Variants in CDH13 observed in about 807,000 individuals in gnomAD.
CDH13 encodes the protein cadherin-13.
A neutral mutation model predicts 63.8 loss-of-function variants in CDH13; 24 were observed. The ratio of observed to expected loss-of-function variants is 0.38; its 90% confidence interval spans 0.27 to 0.53. CDH13 has a LOEUF of 0.53. Among genes scored for constraint, CDH13 ranks in the 20% least tolerant of loss-of-function variants. The probability of loss-of-function intolerance (pLI) is 0.85; values close to 1 mark genes in which losing one functional copy is unlikely to be tolerated. For missense variants in CDH13, 1,049 were observed against 903.1 expected (o/e 1.16, Z -2.07); for synonymous variants, 503 against 355.3 (o/e 1.42, Z -4.67).
At chr16:82,807,097 T>G (rs1410881223) in intron 1 of CDH13, among the ~76,000 whole-genome samples, 2 of 151,984 alleles carry the variant, frequency 1.3e-5, no homozygotes, top group Non-Finnish European at 2.9e-5. Context: ...CCTTTTTTTT[T>G]TTTTTTCTTA....
chr16:83,691,966 T>A lies in CDH13; in HGVS notation c.1538+13505T>A, dbSNP rs1188639369. Among the ~76,000 whole-genome samples, 3 of 152,244 alleles carry A rather than the reference T, an allele frequency of 2.0e-5. No individual in the cohort carries two copies. The East Asian group carries it at 5.8e-4, about 29-fold the overall frequency. ...CCCTGTGGGTCTCTGATTACCCCTT[T>A]TATACAGGGGAAGACAATAAGGATT... On this transcript the variant is annotated intron_variant, in intron 10 of 13. Coordinates refer to ENST00000567109, the MANE Select transcript of CDH13 (RefSeq NM_001257.5).
At chr16:82,744,779 A>G (rs138931521) in intron 1 of CDH13, among the ~76,000 whole-genome samples, 1 of 152,150 alleles carries the variant, frequency 6.6e-6, no homozygotes. Context: ...GGATGAATTT[A>G]TGTTTCTTGT....
intron 2 of CDH13, among the ~76,000 whole-genome samples, chr16:83,009,249 A>G (rs957855038): frequency 1.3e-5 from 2 of 152,206 alleles, no homozygotes; most frequent in Non-Finnish European, 2.9e-5. Context: ...TCATCTTCTG[A>G]GAGGGGCTAC....
chr16:83,776,653 C>T (rs1279205333), intron 11 of CDH13, among the ~76,000 whole-genome samples: 2 of 152,210 alleles, frequency 1.3e-5, no homozygotes, highest in Non-Finnish European at 2.9e-5. Context: ...TCCCCGTTAA[C>T]AGAAACCTCT....
At chr16:83,031,507 T>C (rs141945645) in intron 2 of CDH13, among the ~76,000 whole-genome samples, 1 of 151,486 alleles carries the variant, frequency 6.6e-6, no homozygotes, top group African/African-American at 2.4e-5. Flanking sequence ...TCTCATTCCC[T>C]GAATCTGTTT....
At chr16:83,267,001 A>T (rs1381449145) in intron 5 of CDH13, among the ~76,000 whole-genome samples, 2 of 152,184 alleles carry the variant, frequency 1.3e-5, no homozygotes, top group Non-Finnish European at 2.9e-5. Context: ...GTTGCCCCAG[A>T]TCTCATCATC....
At position 83,047,283 on chromosome 16, in the gene CDH13, T is replaced by G. The variant is rs7203262; in HGVS notation, c.366+15065T>G. Among the ~76,000 whole-genome samples, 1,480 of 152,300 alleles carry G rather than the reference T, an allele frequency of 9.7e-3. 32 individuals carry two copies. Among genetic ancestry groups the G allele is most frequent in the African/African-American group, 0.033 (1,369 of 41,550 alleles). On this transcript the variant is annotated intron_variant, in intron 3 of 13. Transcript: ENST00000567109. This position sits in a 1 kb window ranked among gnomAD's most constrained non-coding sequence, Gnocchi z 4.9. ...TTTGGTAAAGGCCTCTGCTGTGAAT[T>G]TAAGTCATCTAATCAAAATGCATTA...
chr16:82,978,014 A>C (rs931881185), intron 2 of CDH13, among the ~76,000 whole-genome samples: 6 of 152,328 alleles, frequency 3.9e-5, no homozygotes, highest in Admixed American at 3.9e-4. Context: ...AAACTGGAGC[A>C]AAGGTGACTC....
chr16:83,570,613 G>A (rs1430624707), intron 7 of CDH13, among the ~76,000 whole-genome samples: 1 of 151,146 alleles, frequency 6.6e-6, no homozygotes, highest in Non-Finnish European at 1.5e-5. Context: ...CGGCTGGGGA[G>A]CTCAACAGCA....
At chr16:82,831,523 C>G (rs1032268416) in intron 1 of CDH13, among the ~76,000 whole-genome samples, 1 of 152,026 alleles carries the variant, frequency 6.6e-6, no homozygotes, top group East Asian at 1.9e-4. Flanking sequence ...GGAAACAACT[C>G]CAACAATGAC....
chr16:83,120,994 C>G (rs2035544342), intron 3 of CDH13, among the ~76,000 whole-genome samples: 1 of 152,052 alleles, frequency 6.6e-6, no homozygotes, highest in Non-Finnish European at 1.5e-5. Context: ...GAACTCCTGA[C>G]CTCGTGATCC....
chr16:83,689,608 A>C, intron 10 of CDH13, among the ~76,000 whole-genome samples: 1 of 152,214 alleles, frequency 6.6e-6, no homozygotes, highest in East Asian at 1.9e-4. Flanking sequence ...TTTTCAAGTG[A>C]TGAGGCTCTA....
chr16:83,528,650 A>G (rs1024154608), intron 7 of CDH13, among the ~76,000 whole-genome samples: 10 of 152,166 alleles, frequency 6.6e-5, no homozygotes, highest in East Asian at 3.8e-4. Context: ...TCTATCTCTA[A>G]ATTTCCCAAC....
intron 1 of CDH13, among the ~76,000 whole-genome samples, chr16:82,721,630 A>C (rs943249068): frequency 6.6e-6 from 1 of 152,178 alleles, no homozygotes; most frequent in African/African-American, 2.4e-5. Context: ...AAGATGAACC[A>C]TAGGAATGAA....
Position 82,627,057 on chromosome 16 carries a change from A to C in CDH13, c.-36A>C. The C allele has an allele frequency of 2.5e-6, 4 of 1,579,184 alleles. No homozygotes were observed. The highest frequency in any genetic ancestry group is 3.4e-6 in the Non-Finnish European group (4 of 1,162,278). The stretch of plus-strand genomic sequence containing the variant: ...TATGCTCAGTGCAGCCGCGTGCATG[A>C]ATGAAAACGCCGCCGGGCGCTTCTA... On this transcript the variant is annotated 5_prime_UTR_variant, in exon 1 of 14. Transcript: ENST00000567109.
At position 83,265,836 on chromosome 16, in the gene CDH13, C is replaced by G. The variant is rs147654059; in HGVS notation, c.636+48339C>G. Among the ~76,000 whole-genome samples the G allele has an allele frequency of 4.7e-3, 672 of 143,520 alleles. 7 individuals are homozygous for G. Among genetic ancestry groups the G allele is most frequent in the African/African-American group, 0.015 (600 of 38,736 alleles). 94.2% of individuals were successfully genotyped at this position (143,520 alleles called of 152,430 possible). On this transcript the variant is annotated intron_variant, in intron 5 of 13. Coordinates refer to ENST00000567109, the MANE Select transcript of CDH13 (RefSeq NM_001257.5). Reference sequence around the variant, plus strand: ...TCCTCTGAGTGAAGCACTAAAGGCTCTTTAGGAGTTTTGCATGGACGTGCA... The same window carrying G: ...TCCTCTGAGTGAAGCACTAAAGGCTGTTTAGGAGTTTTGCATGGACGTGCA...
chr16:83,416,550 A>T (rs969998911), intron 6 of CDH13, among the ~76,000 whole-genome samples: 1 of 152,166 alleles, frequency 6.6e-6, no homozygotes, highest in African/African-American at 2.4e-5. Context: ...TGTAGGTAGA[A>T]ACTGCCATGC....
intron 4 of CDH13, among the ~76,000 whole-genome samples, chr16:83,191,747 C>T (rs1597491706): frequency 2.6e-5 from 4 of 151,610 alleles, no homozygotes; most frequent in Admixed American, 2.6e-4. Flanking sequence ...GGCTGGGAGG[C>T]TAAACCAGTC....
At chr16:82,949,434 A>T (rs147881450) in intron 2 of CDH13, among the ~76,000 whole-genome samples, 1 of 152,162 alleles carries the variant, frequency 6.6e-6, no homozygotes. Context: ...CACAGATTCT[A>T]TTCCCAAATA....
Sources: gnomAD v4.1 joint callset for allele counts (sites outside exome capture counted in the v4.1 genomes callset) on GRCh38, gnomAD v4.1.1 for gene constraint, Gnocchi (gnomAD v3.1) non-coding constraint, MANE v1.5 for transcripts, NCBI Gene and HGNC (gene_info 2026-07-23, HGNC 2026-07-21) for gene names.